CD163L1: variants seen among roughly 807,000 people sequenced by gnomAD.
CD163L1 encodes the protein scavenger receptor cysteine-rich type 1 protein M160.
CD163L1 carries 124 observed loss-of-function variants against 165.4 expected under a neutral mutation model. The observed-to-expected ratio is 0.75, with a 90% CI of 0.65 to 0.87. CD163L1 has a LOEUF of 0.87. Ranked by LOEUF, CD163L1 falls within the 40% of genes least tolerant of loss-of-function variation. CD163L1 has a pLI of 0.00. For synonymous variants in CD163L1, 585 were observed against 662.2 expected, an observed-to-expected ratio of 0.88 and a Z score of 1.79; for missense variants, 1,525 against 1,799.9, an observed-to-expected ratio of 0.85 and a Z score of 2.76.
chr12:7,440,039 A>G, intron 2 of CD163L1: 1 of 1,271,748 alleles, frequency 7.9e-7, no homozygotes, highest in South Asian at 1.3e-5. Context: ...CACACACCCC[A>G]GCAGCTCCTC....
At chr12:7,377,729 AC>A (rs933076008) in intron 9 of CD163L1, among the ~76,000 whole-genome samples, 3 of 152,110 alleles carry the variant, frequency 2.0e-5, no homozygotes, top group African/African-American at 4.8e-5. Context: ...TCTTTTTGAA[AC>A]ATCTTCCCTT....
intron 5 of CD163L1, among the ~76,000 whole-genome samples, chr12:7,404,381 T>C (rs1390447689): frequency 2.0e-5 from 3 of 152,178 alleles, no homozygotes; most frequent in African/African-American, 4.8e-5. Context: ...TCTCATACTG[T>C]TTTCTACGAA....
At chr12:7,367,067 T>A (rs916064181) in intron 18 of CD163L1, among the ~76,000 whole-genome samples, 169 bp downstream of exon 18, 5 of 152,220 alleles carry the variant, frequency 3.3e-5, no homozygotes, top group African/African-American at 1.2e-4. Flanking sequence ...CCAGTTTTCT[T>A]AATTTTGAGT....
downstream of CD163L1, among the ~76,000 whole-genome samples, chr12:7,341,864 C>T (rs975371732): frequency 6.6e-6 from 1 of 152,116 alleles, no homozygotes; most frequent in Admixed American, 6.5e-5. Flanking sequence ...TTCTGAGACC[C>T]TTATTATCGA....
intron 4 of CD163L1, among the ~76,000 whole-genome samples, chr12:7,413,434 G>A (rs979843654): frequency 2.6e-5 from 4 of 152,244 alleles, no homozygotes; most frequent in South Asian, 4.1e-4. Context: ...AGCAACCAGC[G>A]GATGCTAGTA....
At chr12:7,320,831 A>C in the CD163L1 span, 2 of 1,554,058 alleles carry the variant, frequency 1.3e-6, no homozygotes, top group African/African-American at 2.7e-5. Context: ...CTCCATTTGA[A>C]CCACAAACAA....
At chr12:7,377,764 C>T (rs181140152) in intron 9 of CD163L1, among the ~76,000 whole-genome samples, 333 of 152,300 alleles carry the variant, frequency 2.2e-3, no homozygotes, top group African/African-American at 7.7e-3. Context: ...TGACATTCTG[C>T]CACCACTGTT....
chr12:7,421,219 G>GTA (rs1358685295), intron 4 of CD163L1, among the ~76,000 whole-genome samples: 3 of 129,580 alleles, frequency 2.3e-5, no homozygotes, highest in Non-Finnish European at 4.8e-5. Context: ...ATATATATGT[G>GTA]TATATATATG....
chr12:7,393,974 T>C (rs1781394381), intron 8 of CD163L1, among the ~76,000 whole-genome samples: 1 of 151,818 alleles, frequency 6.6e-6, no homozygotes, highest in South Asian at 2.1e-4. Context: ...AGAATCAATA[T>C]CGTGAAAATG....
At chr12:7,344,419 C>T (rs11609461), downstream of CD163L1, among the ~76,000 whole-genome samples, 274 of 152,306 alleles carry the variant, frequency 1.8e-3, 1 homozygote, top group Non-Finnish European at 1.5e-3. Flanking sequence ...CCAAAATAAT[C>T]TGCTTTAACT....
intron 7 of CD163L1, among the ~76,000 whole-genome samples, chr12:7,397,381 T>C (rs1287347702): frequency 6.6e-6 from 1 of 152,188 alleles, no homozygotes; most frequent in African/African-American, 2.4e-5. Flanking sequence ...GCCACAGAAC[T>C]GAGATTACTG....
chr12:7,379,235 A>G lies in CD163L1; in HGVS notation c.2114T>C (p.Val705Ala). The change falls in exon 9 of 20, where the codon GTG (valine) becomes GCG (alanine). Residue 705 changes from valine (V) to alanine (A), a missense_variant. By Grantham distance (64) the Val-to-Ala change is moderately conservative. Coordinates refer to ENST00000313599, the MANE Select transcript of CD163L1 (RefSeq NM_174941.6). Reference sequence around the variant, plus strand: ...AATTCCCACGGCACCCTGGACATTCACCTCAACTTTTCCAGCACACCTGCT... The same window carrying G: ...AATTCCCACGGCACCCTGGACATTCGCCTCAACTTTTCCAGCACACCTGCT... ...GSSRCAGKVE[V>A]NVQGAVGILC... 1 of 1,614,118 alleles carries G rather than the reference A, an allele frequency of 6.2e-7. No homozygotes were observed. The highest frequency in any genetic ancestry group is 1.1e-5 in the South Asian group (1 of 91,080).
At chr12:7,437,168 AATAGTAT>A (rs1565820040) in intron 2 of CD163L1, among the ~76,000 whole-genome samples, 15 of 77,344 alleles carry the variant, frequency 1.9e-4, no homozygotes, top group Admixed American at 3.5e-4. Context: ...TATTTTTATT[AATAGTAT>A]TACTTTTATT....
In CD163L1 at chr12:7,400,758, A is replaced by G. The variant is rs950556582; in HGVS notation, c.1409-2174T>C. ...TTTAGAAGAACAAAAAGGAAAAAGTAGCAAGGAATTTTATGAAAAATAAGA... is the reference window on the plus strand; with the variant it reads ...TTTAGAAGAACAAAAAGGAAAAAGTGGCAAGGAATTTTATGAAAAATAAGA... On this transcript the variant is annotated intron_variant, in intron 6 of 19. Coordinates refer to ENST00000313599, the MANE Select transcript of CD163L1 (RefSeq NM_174941.6). The surrounding 1 kb of genome is among the most constrained non-coding windows in gnomAD (Gnocchi z 4.1). Among the ~76,000 whole-genome samples, 3 of 152,244 alleles carry G rather than the reference A, an allele frequency of 2.0e-5. No individual in the cohort carries two copies. Among genetic ancestry groups the G allele is most frequent in the African/African-American group, 7.2e-5 (3 of 41,478 alleles).
chr12:7,370,728 T>C (rs1947127432), intron 14 of CD163L1, among the ~76,000 whole-genome samples: 1 of 152,168 alleles, frequency 6.6e-6, no homozygotes, highest in African/African-American at 2.4e-5. Flanking sequence ...CTCTCTCTCA[T>C]AGCCAAACAT....
In CD163L1 at chr12:7,347,210, T is replaced by C. The variant is rs1946676088; in HGVS notation, c.*25-63A>G. On this transcript the variant is annotated intron_variant, in intron 4 of 4. Transcript: ENST00000539726. This position sits in a 1 kb window ranked among gnomAD's most constrained non-coding sequence, Gnocchi z 4.2. ...TTCTCTCTGTTGTCTACAATTGCAA[T>C]AGCTTTCAGTTCATTTCTCTAAAAT... 6.6e-6 allele frequency: 1 copy of C among 152,222 alleles called. No homozygotes were observed. The highest frequency in any genetic ancestry group is 1.5e-5 in the Non-Finnish European group (1 of 68,032). 9.4% of individuals were successfully genotyped at this position (152,222 alleles called of 1,614,324 possible). A position where few individuals can be genotyped will look rare whatever the true frequency, so the allele number is the denominator to read the frequency against.
intron 2 of CD163L1, 84 bp from the exon 3 acceptor site, chr12:7,433,778 CATTT>C: frequency 8.0e-6 from 8 of 1,005,144 alleles, no homozygotes; most frequent in Non-Finnish European, 1.2e-5. Context: ...GGATGATGAT[CATTT>C]AGTTTAAATG....
intron 4 of CD163L1, among the ~76,000 whole-genome samples, chr12:7,421,622 CATATATA>C (rs1565810854): frequency 2.7e-4 from 1 of 3,654 alleles, no homozygotes; most frequent in Non-Finnish European, 1.2e-3. Flanking sequence ...CATATATGTA[CATATATA>C]CATATATGTA....
chr12:7,345,666 C>G (rs1044874692), downstream of CD163L1, among the ~76,000 whole-genome samples: 1 of 152,138 alleles, frequency 6.6e-6, no homozygotes, highest in Non-Finnish European at 1.5e-5. Flanking sequence ...TCCACAGCAC[C>G]AATTTTCTGT....
Sources: allele counts gnomAD v4.1 joint callset (sites outside exome capture counted in the v4.1 genomes callset), GRCh38; gene constraint gnomAD v4.1.1; non-coding constraint Gnocchi (gnomAD v3.1); transcripts MANE v1.5; gene names NCBI Gene and HGNC (gene_info 2026-07-23, HGNC 2026-07-21).